The following UPF2 variants were observed in gnomAD, a reference collection of about 807,000 sequenced individuals.
The protein encoded by UPF2 is regulator of nonsense transcripts 2.
Under a neutral mutation model 141.4 loss-of-function variants are expected in UPF2, and 17 were observed. That is an observed-to-expected ratio of 0.12 (90% CI 0.08 to 0.18). The LOEUF (loss-of-function observed/expected upper bound fraction) is 0.18. Ranked by LOEUF, UPF2 falls within the 10% of genes least tolerant of loss-of-function variation. UPF2 has a pLI of 1.00. For synonymous variants in UPF2, 540 were observed against 498.0 expected (o/e 1.08, Z -1.12); for missense variants, 1,152 against 1,515.9 (o/e 0.76, Z 3.99).
intron 9 of UPF2, among the ~76,000 whole-genome samples, chr10:11,968,909 G>A (rs192769844): frequency 1.3e-5 from 2 of 152,308 alleles, no homozygotes; most frequent in East Asian, 3.9e-4. Flanking sequence ...CGCCCAGGCT[G>A]GAGTGCAGTG....
intron 9 of UPF2, among the ~76,000 whole-genome samples, chr10:11,974,952 A>G (rs538935469): frequency 1.3e-5 from 2 of 152,326 alleles, no homozygotes; most frequent in African/African-American, 4.8e-5. Flanking sequence ...ATTTGGTACA[A>G]CTGCCAAGGT....
intron 8 of UPF2, among the ~76,000 whole-genome samples, chr10:11,987,066 CCTGATA>C (rs1363784405): frequency 1.1e-4 from 17 of 152,184 alleles, no homozygotes; most frequent in African/African-American, 3.9e-4. Flanking sequence ...ACGTACTTTC[CCTGATA>C]CTGATTGACT....
At chr10:11,978,863 A>C (rs536689931) in intron 9 of UPF2, among the ~76,000 whole-genome samples, 194 bp downstream of exon 9, 29 of 152,216 alleles carry the variant, frequency 1.9e-4, no homozygotes, top group Non-Finnish European at 3.5e-4. Context: ...CTCACCTCCC[A>C]ACCAGAATAT....
chr10:11,955,346 T>G lies in UPF2; in HGVS notation c.2736A>C (p.Pro912=). Residue 912 remains proline, a synonymous_variant, in exon 14 of 22, where the codon CCA becomes CCC. Coordinates refer to ENST00000357604, the MANE Select transcript of UPF2 (RefSeq NM_015542.4). ...NPDGSPSSLD[P]PEHLFRIRLV... is the part of the protein sequence containing the mutation. ...GTCTAATTCTGAAAAGATGCTCAGGTGGGTCCAGGGAACTTGGAGAGCCAT... is the reference window on the plus strand; with the variant it reads ...GTCTAATTCTGAAAAGATGCTCAGGGGGGTCCAGGGAACTTGGAGAGCCAT... The G allele has an allele frequency of 1.9e-6, 3 of 1,614,142 alleles. No individual in the cohort carries two copies. The highest frequency in any genetic ancestry group is 2.5e-6 in the Non-Finnish European group (3 of 1,180,022).
Position 12,029,126 on chromosome 10 carries a change from T to C in UPF2, c.764A>G (p.Lys255Arg), listed in dbSNP as rs778368500. The change falls in exon 3 of 22, where the codon AAA (lysine) becomes AGA (arginine). Residue 255 changes from lysine (K) to arginine (R), a missense_variant. Physicochemically the swap from Lys to Arg is conservative, Grantham distance 26. This residue lies in a region of UPF2 where 739 missense variants were observed against 1,032.2 expected (regional missense o/e 0.72). Transcript: ENST00000357604. Reference protein sequence around the residue: ...KKHFEARKEEKTPNITKLRTD... With the variant: ...KKHFEARKEERTPNITKLRTD... ...TCTTAACTTGGTGATGTTAGGTGTTTTCTCCTCTTTCCTTGCTTCAAAATG... is the reference window on the plus strand; with the variant it reads ...TCTTAACTTGGTGATGTTAGGTGTTCTCTCCTCTTTCCTTGCTTCAAAATG... 46 of 1,614,142 alleles carry C rather than the reference T, an allele frequency of 2.8e-5. No individual in the cohort carries two copies. Among genetic ancestry groups the C allele is most frequent in the Non-Finnish European group, 2.7e-5 (32 of 1,180,056 alleles).
At chr10:11,986,664 CAGA>C in intron 8 of UPF2, among the ~76,000 whole-genome samples, 1 of 152,236 alleles carries the variant, frequency 6.6e-6, no homozygotes, top group Non-Finnish European at 1.5e-5. Flanking sequence ...AACACTAAAG[CAGA>C]AGATGATTCC....
intron 7 of UPF2, among the ~76,000 whole-genome samples, chr10:11,999,239 T>C (rs891689396): frequency 4.7e-5 from 7 of 150,200 alleles, no homozygotes; most frequent in African/African-American, 1.7e-4. Flanking sequence ...ATCGGCCGGG[T>C]ATGGTGGCTC....
intron 4 of UPF2, among the ~76,000 whole-genome samples, chr10:12,010,431 G>T (rs1834107076): frequency 1.3e-5 from 2 of 152,062 alleles, no homozygotes; most frequent in African/African-American, 4.8e-5. Flanking sequence ...AATATGACAA[G>T]ACATAGATAT....
In UPF2 at chr10:11,985,058, G is replaced by A. The variant is rs535983075; in HGVS notation, c.1845-5893C>T. 1.5e-4 allele frequency among the ~76,000 whole-genome samples: 23 copies of A among 152,290 alleles called. No homozygotes were observed. In the South Asian group the frequency reaches 4.3e-3, roughly 29 times the overall value. On this transcript the variant is annotated intron_variant, in intron 8 of 21. Coordinates refer to ENST00000357604, the MANE Select transcript of UPF2 (RefSeq NM_015542.4). ...AGACAGTTTTGTGCTACCTGTTCAG[G>A]CACAGATCAATGAAGTAACAACACG...
intron 21 of UPF2, among the ~76,000 whole-genome samples, chr10:11,926,964 G>A (rs950658586): frequency 3.3e-5 from 5 of 152,166 alleles, no homozygotes; most frequent in African/African-American, 7.2e-5. Flanking sequence ...ACATGCTCAC[G>A]TCGATGACAG....
intron 8 of UPF2, among the ~76,000 whole-genome samples, chr10:11,984,767 C>T (rs760433583): frequency 6.6e-6 from 1 of 151,116 alleles, no homozygotes. Context: ...GGCTGGAGAA[C>T]ACTGACAGGA....
chr10:11,968,968 T>G lies in UPF2; in HGVS notation c.1954-1514A>C, dbSNP rs115496435. ...CTCCACCTCCTGGGTTAAAGAGATTTTTGTGCCTCAGCCTCCCGAGTAGCT... is the reference window on the plus strand; with the variant it reads ...CTCCACCTCCTGGGTTAAAGAGATTGTTGTGCCTCAGCCTCCCGAGTAGCT... On this transcript the variant is annotated intron_variant, in intron 9 of 21. Coordinates refer to ENST00000357604, the MANE Select transcript of UPF2 (RefSeq NM_015542.4). 6.8e-3 allele frequency among the ~76,000 whole-genome samples: 1,039 copies of G among 152,162 alleles called. 14 individuals carry two copies. The highest frequency in any genetic ancestry group is 0.024 in the African/African-American group (979 of 41,504).
chr10:11,968,617 C>T (rs1413104547), intron 9 of UPF2, among the ~76,000 whole-genome samples: 2 of 152,102 alleles, frequency 1.3e-5, no homozygotes, highest in South Asian at 2.1e-4. Flanking sequence ...TATCACCAGT[C>T]ATGGTTGTAT....
At chr10:11,938,853 G>GTTGTTTT (rs1832889614) in intron 18 of UPF2, among the ~76,000 whole-genome samples, 1 of 79,816 alleles carries the variant, frequency 1.3e-5, no homozygotes, top group Non-Finnish European at 2.3e-5. Flanking sequence ...TTTTTTTTTT[G>GTTGTTTT]TTTTTTTTTT....
intron 4 of UPF2, among the ~76,000 whole-genome samples, chr10:12,005,703 G>C (rs756324450): frequency 9.2e-5 from 14 of 152,084 alleles, no homozygotes; most frequent in Non-Finnish European, 1.8e-4. Context: ...CAAGTAGCTG[G>C]GATTACAGGC....
rs1257388732 is a variant in UPF2, at chr10:12,028,787, T to C, written c.1103A>G (p.Lys368Arg). The C allele has an allele frequency of 1.9e-6, 3 of 1,613,492 alleles. No individual in the cohort carries two copies. The highest frequency in any genetic ancestry group is 2.2e-5 in the South Asian group (2 of 90,950). Reference protein sequence around the residue: ...EYFTSLTKHLKRDHRELQNTE... With the variant: ...EYFTSLTKHLRRDHRELQNTE... ...ATTCTGGAGCTCCCTGTGGTCCCTT[T>C]TCAGGTGTTTGGTCAAAGACGTAAA... The change falls in exon 3 of 22, where the codon AAA (lysine) becomes AGA (arginine). Residue 368 changes from lysine (K) to arginine (R), a missense_variant. By Grantham distance (26) the Lys-to-Arg change is conservative (BLOSUM62 2). This residue lies in a region of UPF2 where 739 missense variants were observed against 1,032.2 expected (regional missense o/e 0.72). Coordinates refer to ENST00000357604, the MANE Select transcript of UPF2 (RefSeq NM_015542.4).
intron 9 of UPF2, among the ~76,000 whole-genome samples, chr10:11,973,389 T>C (rs1175759223): frequency 7.9e-5 from 12 of 152,246 alleles, no homozygotes; most frequent in Non-Finnish European, 1.8e-4. Flanking sequence ...TTTAGTTTAA[T>C]TAGATCCCAT....
rs557099294 is a variant in UPF2, at chr10:11,956,805, A to G, written c.2371-282T>C. On this transcript the variant is annotated intron_variant, in intron 12 of 21. Transcript: ENST00000357604. This position sits in a 1 kb window ranked among gnomAD's most constrained non-coding sequence, Gnocchi z 4.2. ...CTCAGGTCATTAAAATAAATATCCA[A>G]TCAGGAGTTTGGAGTAGGTTTCTTT... is the stretch of plus-strand genomic sequence containing the variant. Among the ~76,000 whole-genome samples the G allele has an allele frequency of 2.0e-5, 3 of 152,090 alleles. No homozygotes were observed. The highest frequency in any genetic ancestry group is 2.1e-4 in the South Asian group (1 of 4,816).
At chr10:11,925,352 G>C (rs576396398) in intron 21 of UPF2, among the ~76,000 whole-genome samples, 3 of 152,160 alleles carry the variant, frequency 2.0e-5, no homozygotes, top group Non-Finnish European at 2.9e-5. Context: ...AGGTTGAGTG[G>C]CTAGCTCAAA....
Sources: gnomAD v4.1 joint callset for allele counts (sites outside exome capture counted in the v4.1 genomes callset) on GRCh38, gnomAD v4.1.1 for gene constraint, gnomAD v4.1.1 regional missense constraint, Gnocchi (gnomAD v3.1) non-coding constraint, MANE v1.5 for transcripts, NCBI Gene and HGNC (gene_info 2026-07-23, HGNC 2026-07-21) for gene names.